PLPPR5: variants seen among roughly 807,000 people sequenced by gnomAD.
The protein encoded by PLPPR5 is phospholipid phosphatase related 5.
PLPPR5 carries 16 observed loss-of-function variants against 33.9 expected under a neutral mutation model. The observed-to-expected ratio is 0.47, with a 90% CI of 0.32 to 0.72. The LOEUF (loss-of-function observed/expected upper bound fraction) is 0.72, where lower values mean the gene tolerates loss of function less well. PLPPR5 is among the 30% of genes least tolerant of loss of function. The probability of loss-of-function intolerance (pLI) is 0.03; values close to 1 mark genes in which losing one functional copy is unlikely to be tolerated. For missense variants in PLPPR5, 301 were observed against 406.7 expected (o/e 0.74, Z 2.23); for synonymous variants, 163 against 150.3 (o/e 1.08, Z -0.62).
chr1:98,926,863 T>C (rs1291843340), intron 3 of PLPPR5, among the ~76,000 whole-genome samples: 2 of 152,232 alleles, frequency 1.3e-5, no homozygotes, highest in African/African-American at 4.8e-5. Context: ...AAATGGGGCA[T>C]TCGTTTGTTA....
At chr1:98,965,283 T>C (rs1323450258) in intron 1 of PLPPR5, among the ~76,000 whole-genome samples, 1 of 152,152 alleles carries the variant, frequency 6.6e-6, no homozygotes, top group African/African-American at 2.4e-5. Flanking sequence ...CTTCTCAAAC[T>C]TGAGTATCAC....
intron 1 of PLPPR5, chr1:98,990,751 T>C (rs1185453123): frequency 3.3e-5 from 5 of 152,130 alleles, no homozygotes; most frequent in Non-Finnish European, 7.4e-5. Flanking sequence ...TAGGCCTCTA[T>C]GGATGGGCAG....
At chr1:98,970,442 T>C (rs532623585) in intron 1 of PLPPR5, among the ~76,000 whole-genome samples, 1 of 152,130 alleles carries the variant, frequency 6.6e-6, no homozygotes, top group South Asian at 2.1e-4. Context: ...TAAGGGTTTC[T>C]AATACACAAT....
intron 1 of PLPPR5, among the ~76,000 whole-genome samples, chr1:99,001,022 A>G (rs1345432665): frequency 6.6e-6 from 1 of 152,154 alleles, no homozygotes; most frequent in African/African-American, 2.4e-5. Flanking sequence ...CAAAGATGAC[A>G]TTTACATATT....
intron 1 of PLPPR5, among the ~76,000 whole-genome samples, chr1:98,967,692 TG>T (rs1219763627): frequency 6.6e-6 from 1 of 152,062 alleles, no homozygotes; most frequent in Non-Finnish European, 1.5e-5. Context: ...AATGCCATCA[TG>T]GGGCTGTTGT....
intron 4 of PLPPR5, among the ~76,000 whole-genome samples, chr1:98,921,681 C>T (rs1362839905): frequency 6.6e-6 from 1 of 151,738 alleles, no homozygotes; most frequent in Non-Finnish European, 1.5e-5. Flanking sequence ...TTTTTTTCAT[C>T]CCCAAACCTG....
At chr1:98,893,464 A>G (rs943192119) in intron 5 of PLPPR5, among the ~76,000 whole-genome samples, 6 of 152,120 alleles carry the variant, frequency 3.9e-5, no homozygotes, top group Non-Finnish European at 4.4e-5. Context: ...CCTGAGAGAC[A>G]GATGGTGTAG....
intron 1 of PLPPR5, among the ~76,000 whole-genome samples, chr1:98,996,885 G>A (rs144804627): frequency 6.6e-6 from 1 of 152,128 alleles, no homozygotes; most frequent in African/African-American, 2.4e-5. Context: ...TTGCCTGCTA[G>A]GAATGCCATC....
intron 2 of PLPPR5, among the ~76,000 whole-genome samples, chr1:98,955,621 C>T (rs767756466): frequency 3.3e-5 from 5 of 151,992 alleles, no homozygotes; most frequent in Non-Finnish European, 5.9e-5. Context: ...CAGAGAGATC[C>T]AAAAGCCTGA....
chr1:98,947,727 C>G (rs1429799221), intron 3 of PLPPR5, among the ~76,000 whole-genome samples: 1 of 152,230 alleles, frequency 6.6e-6, no homozygotes, highest in East Asian at 1.9e-4. Context: ...GTCTTTTGTA[C>G]TCTCCCCCAA....
intron 3 of PLPPR5, among the ~76,000 whole-genome samples, chr1:98,938,536 A>G (rs1012433374): frequency 2.7e-5 from 4 of 148,122 alleles, no homozygotes; most frequent in African/African-American, 7.3e-5. Flanking sequence ...TTATATATTT[A>G]TATAAATATA....
At chr1:98,927,791 T>A (rs1055343906) in intron 3 of PLPPR5, among the ~76,000 whole-genome samples, 1 of 152,140 alleles carries the variant, frequency 6.6e-6, no homozygotes, top group African/African-American at 2.4e-5. Context: ...TTCCCTCTCC[T>A]CCAACCCTCC....
intron 1 of PLPPR5, among the ~76,000 whole-genome samples, chr1:98,959,447 T>A (rs541863115): frequency 6.6e-6 from 1 of 152,342 alleles, no homozygotes; most frequent in African/African-American, 2.4e-5. Flanking sequence ...ACTAAAATAG[T>A]AAGTTTATTC....
intron 3 of PLPPR5, among the ~76,000 whole-genome samples, chr1:98,929,886 C>A (rs536624112): frequency 4.6e-5 from 7 of 152,288 alleles, no homozygotes; most frequent in African/African-American, 1.7e-4. Context: ...GTTTTCCATA[C>A]ACCAGATAGA....
intron 2 of PLPPR5, 35 bp from the exon 3 acceptor site, chr1:98,953,355 TTGTGTGTGTGTGTGTG>T (rs58092870): frequency 1.7e-5 from 23 of 1,378,550 alleles, no homozygotes; most frequent in East Asian, 1.1e-4. Flanking sequence ...AACTTCTTGC[TTGTGTGTGTGTGTGTG>T]TGTGTGTGTG....
At chr1:98,973,179 G>A (rs1051506581) in intron 1 of PLPPR5, among the ~76,000 whole-genome samples, 1 of 152,080 alleles carries the variant, frequency 6.6e-6, no homozygotes, top group Admixed American at 6.6e-5. Context: ...CGAGTTTTCT[G>A]TTATTTGCAG....
At chr1:98,949,269 T>A (rs1171793486) in intron 3 of PLPPR5, among the ~76,000 whole-genome samples, 3 of 72,410 alleles carry the variant, frequency 4.1e-5, no homozygotes, top group Non-Finnish European at 8.4e-5. Flanking sequence ...GGAATAGAGC[T>A]TTTTTTTTTT....
intron 1 of PLPPR5, among the ~76,000 whole-genome samples, chr1:99,002,295 C>A: frequency 6.6e-6 from 1 of 152,158 alleles, no homozygotes; most frequent in Non-Finnish European, 1.5e-5. Flanking sequence ...GCCAAAACAT[C>A]GAAATCAAGT....
chr1:98,910,682 A>G (rs756223128), intron 5 of PLPPR5, among the ~76,000 whole-genome samples: 1 of 152,168 alleles, frequency 6.6e-6, no homozygotes, highest in Non-Finnish European at 1.5e-5. Context: ...GGCACAAGGC[A>G]GTAACCAGCC....
Sources: allele counts gnomAD v4.1 joint callset (sites outside exome capture counted in the v4.1 genomes callset), GRCh38; gene constraint gnomAD v4.1.1; transcripts MANE v1.5; gene names NCBI Gene and HGNC (gene_info 2026-07-23, HGNC 2026-07-21).